Variants in CAMKMT observed in about 807,000 individuals in gnomAD.
CAMKMT encodes CaM KMT.
CAMKMT carries 53 observed loss-of-function variants against 48.0 expected under a neutral mutation model. The observed-to-expected ratio is 1.10, with a 90% CI of 0.89 to 1.39. CAMKMT has a LOEUF of 1.39. Among genes scored for constraint, CAMKMT ranks in the 40% most tolerant of loss-of-function variants. CAMKMT has a pLI of 0.00. For missense variants in CAMKMT, 428 were observed against 402.7 expected (o/e 1.06, Z -0.54); for synonymous variants, 165 against 152.3 (o/e 1.08, Z -0.61).
intron 9 of CAMKMT, among the ~76,000 whole-genome samples, chr2:44,756,573 C>T (rs1220780128): frequency 6.6e-6 from 1 of 151,934 alleles, no homozygotes; most frequent in Non-Finnish European, 1.5e-5. Flanking sequence ...AACCCCGTCT[C>T]TACTGAAAAT....
At chr2:44,540,873 A>G (rs1441196279) in intron 3 of CAMKMT, among the ~76,000 whole-genome samples, 1 of 152,258 alleles carries the variant, frequency 6.6e-6, no homozygotes, top group African/African-American at 2.4e-5. Flanking sequence ...TCTGTGATCC[A>G]TTTGAAGTTT....
At chr2:44,541,378 A>AGTCTT (rs1667095790) in intron 3 of CAMKMT, among the ~76,000 whole-genome samples, 1 of 152,132 alleles carries the variant, frequency 6.6e-6, no homozygotes, top group African/African-American at 2.4e-5. Flanking sequence ...GGCTTTCAGA[A>AGTCTT]GTCTTTAAAA....
chr2:44,603,127 C>T (rs1671094214), intron 3 of CAMKMT, among the ~76,000 whole-genome samples: 1 of 151,966 alleles, frequency 6.6e-6, no homozygotes, highest in South Asian at 2.1e-4. Flanking sequence ...CTTGCTTTGT[C>T]ACCCAGGCTG....
chr2:44,371,048 A>G (rs1199246230), intron 1 of CAMKMT, among the ~76,000 whole-genome samples: 1 of 152,164 alleles, frequency 6.6e-6, no homozygotes, highest in Non-Finnish European at 1.5e-5. Flanking sequence ...GCAATGGCAC[A>G]ATCTCGGCTT....
intron 3 of CAMKMT, among the ~76,000 whole-genome samples, chr2:44,429,010 A>G (rs192090306): frequency 1.3e-5 from 2 of 152,288 alleles, no homozygotes; most frequent in Admixed American, 1.3e-4. Context: ...TCTAAGAAAT[A>G]TATTTGAAAT....
At chr2:44,421,753 TG>T (rs776488692) in intron 3 of CAMKMT, among the ~76,000 whole-genome samples, 16 of 152,258 alleles carry the variant, frequency 1.1e-4, no homozygotes, top group Non-Finnish European at 2.1e-4. Flanking sequence ...GAATCAATTA[TG>T]GTTTTTAGAA....
At chr2:44,675,077 A>AAGG (rs1675595377) in intron 3 of CAMKMT, among the ~76,000 whole-genome samples, 2 of 144,160 alleles carry the variant, frequency 1.4e-5, no homozygotes, top group African/African-American at 5.2e-5. Flanking sequence ...TACCAACCTT[A>AAGG]AGGGGGGGAA....
intron 3 of CAMKMT, among the ~76,000 whole-genome samples, chr2:44,494,016 T>C (rs1669638183): frequency 6.6e-6 from 1 of 152,248 alleles, no homozygotes; most frequent in Non-Finnish European, 1.5e-5. Context: ...TCATCCATTT[T>C]ATATAAACTT....
intron 3 of CAMKMT, among the ~76,000 whole-genome samples, chr2:44,589,749 C>T (rs1297448787): frequency 1.3e-5 from 1 of 79,870 alleles, no homozygotes; most frequent in East Asian, 2.3e-4. Flanking sequence ...ACAAACACTG[C>T]GGAAGGCCGC....
intron 1 of CAMKMT, among the ~76,000 whole-genome samples, chr2:44,368,067 G>T (rs979638331): frequency 2.0e-5 from 3 of 152,102 alleles, no homozygotes; most frequent in Non-Finnish European, 4.4e-5. Flanking sequence ...AGGGACCTTA[G>T]GACTTGATGT....
chr2:44,422,117 G>A (rs953648051), intron 3 of CAMKMT, among the ~76,000 whole-genome samples: 1 of 152,152 alleles, frequency 6.6e-6, no homozygotes, highest in African/African-American at 2.4e-5. Flanking sequence ...TCATGGAGGT[G>A]GAGTCCTCAT....
chr2:44,630,691 A>G lies in CAMKMT; in HGVS notation c.377-73592A>G, dbSNP rs572828016. Among the ~76,000 whole-genome samples, 561 of 151,656 alleles carry G rather than the reference A, an allele frequency of 3.7e-3. 2 individuals are homozygous for G. The highest frequency in any genetic ancestry group is 0.012 in the African/African-American group (515 of 41,378). ...TCAGAGAAATGCAAATCAAAACCAC[A>G]ATGAGATATCATCTCACACCAGTTA... On this transcript the variant is annotated intron_variant, in intron 3 of 10. Transcript: ENST00000378494.
chr2:44,633,311 GT>G (rs1379677216), intron 3 of CAMKMT, among the ~76,000 whole-genome samples: 4 of 152,010 alleles, frequency 2.6e-5, no homozygotes, highest in Non-Finnish European at 5.9e-5. Flanking sequence ...TGTATCTTTG[GT>G]TTTATGATTT....
chr2:44,582,280 C>G (rs1027890203), intron 3 of CAMKMT, among the ~76,000 whole-genome samples: 1 of 152,172 alleles, frequency 6.6e-6, no homozygotes, highest in African/African-American at 2.4e-5. Context: ...GTCATTTTTG[C>G]TCTTTCTCTC....
intron 3 of CAMKMT, among the ~76,000 whole-genome samples, chr2:44,503,103 A>G (rs1229713457): frequency 1.3e-5 from 2 of 152,116 alleles, no homozygotes; most frequent in African/African-American, 4.8e-5. Flanking sequence ...ACTAAAGTCT[A>G]TTCAAAAAAA....
At chr2:44,397,601 G>A (rs547956127) in intron 3 of CAMKMT, among the ~76,000 whole-genome samples, 9 of 151,904 alleles carry the variant, frequency 5.9e-5, no homozygotes, top group East Asian at 1.9e-4. Context: ...TCAGGTAAGC[G>A]TGCCCCTAAT....
At chr2:44,394,426 ACC>A in intron 3 of CAMKMT, among the ~76,000 whole-genome samples, 1 of 110,130 alleles carries the variant, frequency 9.1e-6, no homozygotes, top group African/African-American at 3.5e-5. Flanking sequence ...TCTAAGACTG[ACC>A]AGGATTTTTT....
At chr2:44,422,727 A>G (rs1431928868) in intron 3 of CAMKMT, among the ~76,000 whole-genome samples, 1 of 151,952 alleles carries the variant, frequency 6.6e-6, no homozygotes, top group Non-Finnish European at 1.5e-5. Flanking sequence ...AAACATCTCA[A>G]CAGCCAGATG....
intron 6 of CAMKMT, among the ~76,000 whole-genome samples, chr2:44,710,107 TAA>T (rs768016198): frequency 6.8e-6 from 1 of 147,972 alleles, no homozygotes; most frequent in Non-Finnish European, 1.5e-5. Context: ...TACCTTTTTT[TAA>T]AAAAAAAAAC....
Sources: allele counts gnomAD v4.1 joint callset (sites outside exome capture counted in the v4.1 genomes callset), GRCh38; gene constraint gnomAD v4.1.1; transcripts MANE v1.5; gene names NCBI Gene and HGNC (gene_info 2026-07-23, HGNC 2026-07-21).